The following RAB3C variants were observed in gnomAD, a reference collection of about 807,000 sequenced individuals.
RAB3C encodes the protein ras-related protein Rab-3C.
Under a neutral mutation model 26.4 loss-of-function variants are expected in RAB3C, and 17 were observed. The ratio of observed to expected loss-of-function variants is 0.64; its 90% CI spans 0.44 to 0.97. The LOEUF is 0.97. Ranked by LOEUF, RAB3C falls within the 50% of genes least tolerant of loss-of-function variation. RAB3C has a pLI of 0.00. For synonymous variants in RAB3C, 91 were observed against 95.9 expected (o/e 0.95, Z 0.30); for missense variants, 242 against 281.9 (o/e 0.86, Z 1.01).
Position 58,819,552 on chromosome 5 carries a change from C to T in RAB3C, c.372-5486C>T, listed in dbSNP as rs139666426. Among the ~76,000 whole-genome samples the T allele has an allele frequency of 1.8e-4, 27 of 152,272 alleles. 1 individual carries two copies. The East Asian group carries it at 1.9e-3, about 11-fold the overall frequency. ...ATATCAAGAACACAATAGCATTTTA[C>T]GAATTCTAAGATGCACAATTTTTCT... On this transcript the variant is annotated intron_variant, in intron 3 of 4. Coordinates refer to ENST00000282878, the MANE Select transcript of RAB3C (RefSeq NM_138453.4).
intron 3 of RAB3C, among the ~76,000 whole-genome samples, chr5:58,761,283 C>G (rs1741792892): frequency 6.6e-6 from 1 of 152,082 alleles, no homozygotes; most frequent in Non-Finnish European, 1.5e-5. Context: ...GAAGATAATT[C>G]CCTGAGAAAG....
chr5:58,706,566 CCA>C (rs1748947543), intron 2 of RAB3C, among the ~76,000 whole-genome samples: 1 of 152,090 alleles, frequency 6.6e-6, no homozygotes, highest in South Asian at 2.1e-4. Flanking sequence ...TCTTATCTTT[CCA>C]CAGACTTGCA....
intron 2 of RAB3C, among the ~76,000 whole-genome samples, chr5:58,717,819 G>T (rs1260374957): frequency 6.6e-6 from 1 of 151,922 alleles, no homozygotes. Context: ...CTCTCTCCAG[G>T]TATCAAGTAC....
chr5:58,645,401 T>C (rs1747495721), intron 2 of RAB3C, among the ~76,000 whole-genome samples: 1 of 152,202 alleles, frequency 6.6e-6, no homozygotes, highest in Non-Finnish European at 1.5e-5. Flanking sequence ...CAAAGATGCA[T>C]GAAATACAAC....
At chr5:58,844,174 A>C (rs1002522669) in intron 4 of RAB3C, among the ~76,000 whole-genome samples, 3 of 152,158 alleles carry the variant, frequency 2.0e-5, no homozygotes, top group Non-Finnish European at 4.4e-5. Context: ...GGGGGTGATG[A>C]CAATGTTCTG....
At chr5:58,772,493 A>G (rs961603642) in intron 3 of RAB3C, among the ~76,000 whole-genome samples, 1 of 152,174 alleles carries the variant, frequency 6.6e-6, no homozygotes, top group African/African-American at 2.4e-5. Context: ...GTGATGCAGC[A>G]GCTCTCTCAG....
At chr5:58,596,203 C>T (rs981628869) in intron 1 of RAB3C, among the ~76,000 whole-genome samples, 3 of 152,056 alleles carry the variant, frequency 2.0e-5, no homozygotes, top group East Asian at 1.9e-4. Context: ...CCTACCCATA[C>T]CCTATAATCA....
chr5:58,840,997 G>A (rs536466571), intron 4 of RAB3C, among the ~76,000 whole-genome samples: 1 of 152,234 alleles, frequency 6.6e-6, no homozygotes, highest in Non-Finnish European at 1.5e-5. Flanking sequence ...CAGGTGCAAG[G>A]CTCTTCAGTT....
intron 1 of RAB3C, among the ~76,000 whole-genome samples, chr5:58,609,224 T>G (rs1746640047): frequency 1.3e-5 from 2 of 152,096 alleles, no homozygotes; most frequent in Admixed American, 1.3e-4. Flanking sequence ...ATTGCATTGC[T>G]GGATGCTCAG....
chr5:58,845,594 CTA>C lies in RAB3C; in HGVS notation c.497-5552_497-5551del, dbSNP rs147626783. On this transcript the variant is annotated intron_variant, in intron 4 of 4. Coordinates refer to ENST00000282878, the MANE Select transcript of RAB3C (RefSeq NM_138453.4). ...CATTCATTTAGGACAGTGATTCTTA[CTA>C]TATATATATATATATATGTGTGTGT... Among the ~76,000 whole-genome samples, 72 of 74,558 alleles carry C rather than the reference CTA, an allele frequency of 9.7e-4. 2 individuals are homozygous for C. The highest frequency in any genetic ancestry group is 3.4e-3 in the East Asian group (14 of 4,128). 48.9% of individuals were successfully genotyped at this position (74,558 alleles called of 152,430 possible).
At chr5:58,693,345 T>TATATATATATATATATATATATACAC (rs1561291369) in intron 2 of RAB3C, among the ~76,000 whole-genome samples, 1 of 140,172 alleles carries the variant, frequency 7.1e-6, no homozygotes, top group African/African-American at 2.8e-5. Context: ...TGTATATATA[T>TATATATATATATATATATATATACAC]ATATATATAT....
intron 3 of RAB3C, among the ~76,000 whole-genome samples, chr5:58,767,486 C>T (rs2111983981): frequency 6.6e-6 from 1 of 152,306 alleles, no homozygotes; most frequent in South Asian, 2.1e-4. Context: ...TTAAATAAAT[C>T]ACAGTCCTTG....
In RAB3C at chr5:58,854,099, A is replaced by G. The variant is rs532816709; in HGVS notation, c.*2748A>G. 2 of 150,916 alleles carry G rather than the reference A, an allele frequency of 1.3e-5. No individual in the cohort carries two copies. The highest frequency in any genetic ancestry group is 4.2e-4 in the South Asian group (2 of 4,770). 9.3% of individuals were successfully genotyped at this position (150,916 alleles called of 1,614,324 possible). A position where few individuals can be genotyped will look rare whatever the true frequency, so the allele number is the denominator to read the frequency against. Reference sequence around the variant, plus strand: ...CTATACCATCATCTATCAATAGTCTAAATACATAAATAAATGCAGGTCATT... The same window carrying G: ...CTATACCATCATCTATCAATAGTCTGAATACATAAATAAATGCAGGTCATT... On this transcript the variant is annotated 3_prime_UTR_variant, in exon 5 of 5. Transcript: ENST00000282878.
intron 2 of RAB3C, chr5:58,689,221 T>A (rs1748511150): frequency 6.6e-6 from 1 of 152,272 alleles, no homozygotes; most frequent in Non-Finnish European, 1.5e-5. Flanking sequence ...TACTATATAC[T>A]ACCTCTTATG....
chr5:58,762,774 C>T (rs1309049098), intron 3 of RAB3C, among the ~76,000 whole-genome samples: 2 of 143,780 alleles, frequency 1.4e-5, no homozygotes, highest in Non-Finnish European at 3.1e-5. Flanking sequence ...GTCCATTTAT[C>T]CTTTTTACAG....
At chr5:58,599,899 G>A (rs964255323) in intron 1 of RAB3C, among the ~76,000 whole-genome samples, 1 of 151,992 alleles carries the variant, frequency 6.6e-6, no homozygotes, top group Non-Finnish European at 1.5e-5. Context: ...TTTGCTTTTG[G>A]GTTCTTGGTC....
chr5:58,829,322 AAGT>A (rs1439305566), intron 4 of RAB3C, among the ~76,000 whole-genome samples: 1 of 152,174 alleles, frequency 6.6e-6, no homozygotes, highest in Non-Finnish European at 1.5e-5. Context: ...CTCATAATTT[AAGT>A]TTTAAATGTA....
chr5:58,743,018 C>T (rs1345250439), intron 3 of RAB3C, among the ~76,000 whole-genome samples: 1 of 152,100 alleles, frequency 6.6e-6, no homozygotes, highest in Admixed American at 6.6e-5. Context: ...GGAAAAGTGG[C>T]ACCAGGCTGG....
At chr5:58,624,483 A>C (rs558958979) in intron 2 of RAB3C, among the ~76,000 whole-genome samples, 26 of 152,320 alleles carry the variant, frequency 1.7e-4, no homozygotes, top group Admixed American at 1.6e-3. Context: ...AGTCCTCTTT[A>C]AGGAAAAAGA....
Sources: gnomAD v4.1 joint callset for allele counts (sites outside exome capture counted in the v4.1 genomes callset) on GRCh38, gnomAD v4.1.1 for gene constraint, MANE v1.5 for transcripts, NCBI Gene and HGNC (gene_info 2026-07-23, HGNC 2026-07-21) for gene names.